WIPF3: variants seen among roughly 807,000 people sequenced by gnomAD.
WIPF3 encodes WAS/WASL interacting protein family member 3.
Under a neutral mutation model 38.9 loss-of-function variants are expected in WIPF3, and 33 were observed. The ratio of observed to expected loss-of-function variants is 0.85; its 90% CI spans 0.64 to 1.14. The LOEUF is 1.14. WIPF3 is among the 50% of genes most tolerant of loss of function. The pLI is 0.00. For synonymous variants in WIPF3, 324 were observed against 269.3 expected, an observed-to-expected ratio of 1.20 and a Z score of -1.99; for missense variants, 711 against 652.5, an observed-to-expected ratio of 1.09 and a Z score of -0.98.
chr7:29,858,703 T>C (rs1446639327), intron 2 of WIPF3, among the ~76,000 whole-genome samples: 1 of 152,206 alleles, frequency 6.6e-6, no homozygotes, highest in African/African-American at 2.4e-5. Context: ...CTGCTCCTTT[T>C]TAGAATTGCT....
At chr7:29,853,276 C>G (rs1024293180) in intron 2 of WIPF3, among the ~76,000 whole-genome samples, 29 of 152,200 alleles carry the variant, frequency 1.9e-4, no homozygotes, top group Admixed American at 1.8e-3. Context: ...TCTAGGAGTT[C>G]CCCTGGCAGA....
chr7:29,894,561 T>C (rs1257240278), intron 7 of WIPF3, among the ~76,000 whole-genome samples: 1 of 152,196 alleles, frequency 6.6e-6, no homozygotes, highest in Non-Finnish European at 1.5e-5. Context: ...ATTATATTAG[T>C]GTGAATCAGA....
At chr7:29,816,964 AAATT>A (rs1784466310) in intron 1 of WIPF3, among the ~76,000 whole-genome samples, 1 of 152,226 alleles carries the variant, frequency 6.6e-6, no homozygotes, top group Admixed American at 6.5e-5. Flanking sequence ...GAAGTTGTAC[AAATT>A]TATATTCCTA....
intron 2 of WIPF3, among the ~76,000 whole-genome samples, chr7:29,860,601 C>A (rs951517067): frequency 6.6e-6 from 1 of 152,120 alleles, no homozygotes; most frequent in African/African-American, 2.4e-5. Context: ...CATAAATTAC[C>A]CAGGCTCAGG....
intron 8 of WIPF3, among the ~76,000 whole-genome samples, chr7:29,913,935 G>A (rs1786554224): frequency 6.6e-6 from 1 of 152,202 alleles, no homozygotes; most frequent in Admixed American, 6.5e-5. Flanking sequence ...TACTCAAAGT[G>A]GATTGTAGTC....
intron 2 of WIPF3, among the ~76,000 whole-genome samples, chr7:29,839,459 C>T (rs905976257): frequency 6.6e-6 from 1 of 152,204 alleles, no homozygotes; most frequent in East Asian, 1.9e-4. Flanking sequence ...ATGGATCAAA[C>T]TTACCGTCAC....
intron 2 of WIPF3, among the ~76,000 whole-genome samples, chr7:29,856,705 A>G (rs1035156088): frequency 9.9e-5 from 15 of 152,150 alleles, no homozygotes; most frequent in African/African-American, 3.6e-4. Flanking sequence ...ATTCTTATTT[A>G]TTTGTTTATA....
rs950591785 is a variant in WIPF3 at position 29,916,031 on chromosome 7, G to A, written c.*1515G>A. 1 of 152,248 alleles carries A rather than the reference G, an allele frequency of 6.6e-6. No individual in the cohort carries two copies. The highest frequency in any genetic ancestry group is 2.4e-5 in the African/African-American group (1 of 41,440). The allele number at this position is 152,248 out of a possible 1,614,324, so 9.4% of individuals were successfully genotyped here. A position where few individuals can be genotyped will look rare whatever the true frequency, so the allele number is the denominator to read the frequency against. On this transcript the variant is annotated 3_prime_UTR_variant, in exon 9 of 9. Transcript: ENST00000242140. ...CTGCCTCACTGTTGTCTGGAGTAACGACTCAGGTGGTGTCCTGCAGCAGTG... is the reference window on the plus strand; with the variant it reads ...CTGCCTCACTGTTGTCTGGAGTAACAACTCAGGTGGTGTCCTGCAGCAGTG...
intron 2 of WIPF3, among the ~76,000 whole-genome samples, chr7:29,837,987 C>T (rs555168112): frequency 6.6e-5 from 10 of 152,314 alleles, no homozygotes; most frequent in African/African-American, 1.4e-4. Context: ...GGCACTATCT[C>T]GGCTCACTGC....
At chr7:29,824,605 G>C (rs1203057284) in intron 1 of WIPF3, among the ~76,000 whole-genome samples, 2 of 152,088 alleles carry the variant, frequency 1.3e-5, no homozygotes, top group African/African-American at 4.8e-5. Context: ...GTGTGATGTG[G>C]GTAAAACGGA....
At chr7:29,816,563 A>T (rs1489883091) in intron 1 of WIPF3, among the ~76,000 whole-genome samples, 1 of 149,084 alleles carries the variant, frequency 6.7e-6, no homozygotes, top group East Asian at 2.0e-4. Context: ...GTTAGGCCTC[A>T]AGTAATCCTG....
At chr7:29,825,304 C>A (rs1002863045) in intron 1 of WIPF3, among the ~76,000 whole-genome samples, 1 of 152,084 alleles carries the variant, frequency 6.6e-6, no homozygotes, top group Non-Finnish European at 1.5e-5. Flanking sequence ...ATGTAACAAA[C>A]CTGCACACCC....
At chr7:29,817,049 A>G (rs1038532734) in intron 1 of WIPF3, among the ~76,000 whole-genome samples, 1 of 152,162 alleles carries the variant, frequency 6.6e-6, no homozygotes, top group Non-Finnish European at 1.5e-5. Context: ...TGCCAATTTG[A>G]TAGGTGAAAA....
chr7:29,862,247 C>G (rs1482627650), intron 2 of WIPF3, among the ~76,000 whole-genome samples: 1 of 152,158 alleles, frequency 6.6e-6, no homozygotes, highest in African/African-American at 2.4e-5. Context: ...CAAACTAGAC[C>G]ATTAGACAAC....
intron 2 of WIPF3, among the ~76,000 whole-genome samples, chr7:29,864,594 C>A (rs10229124): frequency 0.011 from 1,628 of 152,304 alleles, 34 homozygotes; most frequent in African/African-American, 0.038. Flanking sequence ...TGTATGATTG[C>A]ATTTCTCTCT....
chr7:29,856,294 C>T (rs756861869), intron 2 of WIPF3, among the ~76,000 whole-genome samples: 19 of 152,092 alleles, frequency 1.2e-4, no homozygotes, highest in Admixed American at 5.9e-4. Flanking sequence ...ATATTTAATA[C>T]GTACTTTAAG....
chr7:29,817,031 T>C (rs1157640042), intron 1 of WIPF3, among the ~76,000 whole-genome samples: 1 of 152,226 alleles, frequency 6.6e-6, no homozygotes, highest in East Asian at 1.9e-4. Context: ...TATCAAACTT[T>C]TTATCTTTGC....
intron 7 of WIPF3, among the ~76,000 whole-genome samples, chr7:29,898,286 C>T (rs1174303107): frequency 1.3e-5 from 2 of 152,208 alleles, no homozygotes; most frequent in Non-Finnish European, 2.9e-5. Context: ...TCTTTGACTT[C>T]TCTCTTCTAC....
chr7:29,833,169 G>A (rs1322965778), intron 1 of WIPF3, among the ~76,000 whole-genome samples: 1 of 152,236 alleles, frequency 6.6e-6, no homozygotes, highest in African/African-American at 2.4e-5. Flanking sequence ...GAGGGGAGGA[G>A]ACAGTGGGGA....
Sources: allele counts gnomAD v4.1 joint callset (sites outside exome capture counted in the v4.1 genomes callset), GRCh38; gene constraint gnomAD v4.1.1; transcripts MANE v1.5; gene names NCBI Gene and HGNC (gene_info 2026-07-23, HGNC 2026-07-21).